Variants in CARM1 observed in about 807,000 individuals in gnomAD.
CARM1 encodes histone-arginine methyltransferase CARM1.
Under a neutral mutation model 72.7 loss-of-function variants are expected in CARM1, and 14 were observed. The observed-to-expected ratio is 0.19, with a 90% CI of 0.13 to 0.30. The LOEUF is 0.30. Among genes scored for constraint, CARM1 ranks in the 10% least tolerant of loss-of-function variants. The probability of loss-of-function intolerance (pLI) is 1.00; values close to 1 mark genes in which losing one functional copy is unlikely to be tolerated. For missense variants in CARM1, 432 were observed against 833.7 expected (o/e 0.52, Z 5.93); for synonymous variants, 333 against 345.5 (o/e 0.96, Z 0.40).
At chr19:10,884,602 G>A (rs2073926860) in intron 1 of CARM1, among the ~76,000 whole-genome samples, 1 of 152,056 alleles carries the variant, frequency 6.6e-6, no homozygotes, top group Non-Finnish European at 1.5e-5. Context: ...GTTACATGAA[G>A]GAAATGGAGA....
In CARM1 at chr19:10,894,070, C is replaced by G. The variant is rs1342909258; in HGVS notation, c.221-10881C>G. ...CAGTTTGGAAACAAGGTCACCTCTG[C>G]CAGGGCAGTGGGGCCTGGCTCAGGT... On this transcript the variant is annotated intron_variant, in intron 1 of 15. Transcript: ENST00000327064. Among the ~76,000 whole-genome samples, 3 of 152,236 alleles carry G rather than the reference C, an allele frequency of 2.0e-5. No homozygotes were observed. In the East Asian group the frequency reaches 5.8e-4, roughly 29 times the overall value.
intron 1 of CARM1, among the ~76,000 whole-genome samples, chr19:10,904,551 G>A (rs2074089069): frequency 1.3e-5 from 2 of 152,230 alleles, no homozygotes; most frequent in Non-Finnish European, 2.9e-5. Flanking sequence ...GAACCCAGCG[G>A]TCTGACTCCA....
In CARM1 at chr19:10,920,071, C is replaced by G. The variant is rs1041111575; in HGVS notation, c.1196+105C>G. Reference sequence around the variant, plus strand: ...GAACATGGCTCCAGGTTCCACCATCCCTTCCAATGGGAGTGAGAGCCTGTC... The same window carrying G: ...GAACATGGCTCCAGGTTCCACCATCGCTTCCAATGGGAGTGAGAGCCTGTC... On this transcript the variant is annotated intron_variant, in intron 10 of 15. Transcript: ENST00000327064. This position sits in a 1 kb window ranked among gnomAD's most constrained non-coding sequence, Gnocchi z 5.3. The G allele has an allele frequency of 4.6e-6, 4 of 861,596 alleles. No homozygotes were observed. In the African/African-American group the frequency reaches 6.6e-5, roughly 14 times the overall value. 53.4% of individuals were successfully genotyped at this position (861,596 alleles called of 1,614,324 possible). A position where few individuals can be genotyped will look rare whatever the true frequency, so the allele number is the denominator to read the frequency against.
chr19:10,872,795 C>T (rs1476925195), intron 1 of CARM1, among the ~76,000 whole-genome samples: 4 of 151,854 alleles, frequency 2.6e-5, no homozygotes, highest in Non-Finnish European at 5.9e-5. Flanking sequence ...CTCTTTGATT[C>T]CTTGTTCACA....
At chr19:10,886,994 C>T (rs1436841393) in intron 1 of CARM1, among the ~76,000 whole-genome samples, 1 of 152,156 alleles carries the variant, frequency 6.6e-6, no homozygotes, top group South Asian at 2.1e-4. Flanking sequence ...GGCCTCCTGC[C>T]TCGGTGTCCT....
chr19:10,912,423 GT>G lies in CARM1; in HGVS notation c.669+130del. The stretch of plus-strand genomic sequence containing the variant: ...ACTTCTGTGCTTTGGTCTCTTTATT[GT>G]CCCCAAGACAGTCATTTCAGGGAGG... On this transcript the variant is annotated intron_variant, in intron 5 of 15. Coordinates refer to ENST00000327064, the MANE Select transcript of CARM1 (RefSeq NM_199141.2). The surrounding 1 kb of genome is among the most constrained non-coding windows in gnomAD (Gnocchi z 4.5). 1 of 678,426 alleles carries G rather than the reference GT, an allele frequency of 1.5e-6. No homozygotes were observed. Among genetic ancestry groups the G allele is most frequent in the South Asian group, 1.7e-5 (1 of 60,314 alleles). The allele number at this position is 678,426 out of a possible 1,614,324, so 42.0% of individuals were successfully genotyped here.
At chr19:10,913,155 A>C (rs2074167267) in intron 5 of CARM1, among the ~76,000 whole-genome samples, 1 of 151,710 alleles carries the variant, frequency 6.6e-6, no homozygotes, top group African/African-American at 2.4e-5. Flanking sequence ...CTCAGGCTTG[A>C]GTGCAGTGGT....
chr19:10,901,171 C>T (rs1489241619), intron 1 of CARM1, among the ~76,000 whole-genome samples: 7 of 151,828 alleles, frequency 4.6e-5, no homozygotes, highest in African/African-American at 7.3e-5. Flanking sequence ...TTAGTAGAGA[C>T]GGCATTTTGC....
chr19:10,880,926 G>A (rs1373144497), intron 1 of CARM1, among the ~76,000 whole-genome samples: 1 of 147,956 alleles, frequency 6.8e-6, no homozygotes, highest in Non-Finnish European at 1.5e-5. Context: ...GTTTTGGGAG[G>A]CCGAGGCAGC....
chr19:10,889,340 A>C (rs1458079083), intron 1 of CARM1, among the ~76,000 whole-genome samples: 2 of 149,338 alleles, frequency 1.3e-5, no homozygotes, highest in East Asian at 3.9e-4. Context: ...TTTGAGACAG[A>C]GTCTCCCTTT....
At chr19:10,921,304 T>C in intron 14 of CARM1, 71 bp from the exon 15 acceptor site, 1 of 1,550,764 alleles carries the variant, frequency 6.4e-7, no homozygotes, top group Non-Finnish European at 8.9e-7. Context: ...AGCCTGCTGC[T>C]GTGCATGGGC....
chr19:10,899,706 GTTTTCT>G (rs1331321210), intron 1 of CARM1, among the ~76,000 whole-genome samples: 7 of 151,618 alleles, frequency 4.6e-5, no homozygotes, highest in South Asian at 2.1e-4. Flanking sequence ...GTTAGGAACA[GTTTTCT>G]TTTTCTTTTT....
At chr19:10,901,466 A>G (rs2074064894) in intron 1 of CARM1, among the ~76,000 whole-genome samples, 1 of 151,988 alleles carries the variant, frequency 6.6e-6, no homozygotes, top group Non-Finnish European at 1.5e-5. Flanking sequence ...TCAGGCATGC[A>G]CCACCATGCC....
intron 1 of CARM1, among the ~76,000 whole-genome samples, chr19:10,880,039 G>A (rs2073890195): frequency 6.6e-6 from 1 of 152,222 alleles, no homozygotes; most frequent in Non-Finnish European, 1.5e-5. Context: ...AAGCTGGAGT[G>A]TGGTGTGAAC....
Position 10,916,851 on chromosome 19 carries a change from C to G in CARM1, c.1020+74C>G, listed in dbSNP as rs1315857122. On this transcript the variant is annotated intron_variant, in intron 8 of 15. Coordinates refer to ENST00000327064, the MANE Select transcript of CARM1 (RefSeq NM_199141.2). The surrounding 1 kb of genome is among the most constrained non-coding windows in gnomAD (Gnocchi z 4.4). ...GTGCAGCTGTGCAGCCCTCAGGAAGCTACAGCCCCTCTCTGAGCCCTCTCC... is the reference window on the plus strand; with the variant it reads ...GTGCAGCTGTGCAGCCCTCAGGAAGGTACAGCCCCTCTCTGAGCCCTCTCC... 5.2e-6 allele frequency: 6 copies of G among 1,151,100 alleles called. No homozygotes were observed. In the South Asian group the frequency reaches 7.1e-5, roughly 14 times the overall value. The allele number at this position is 1,151,100 out of a possible 1,614,324, so 71.3% of individuals were successfully genotyped here. A position where few individuals can be genotyped will look rare whatever the true frequency, so the allele number is the denominator to read the frequency against.
Position 10,896,203 on chromosome 19 carries a change from C to T in CARM1, c.221-8748C>T, listed in dbSNP as rs1242050457. 6.6e-6 allele frequency among the ~76,000 whole-genome samples: 1 copy of T among 151,996 alleles called. No individual in the cohort carries two copies. Among genetic ancestry groups the T allele is most frequent in the Non-Finnish European group, 1.5e-5 (1 of 67,966 alleles). On this transcript the variant is annotated intron_variant, in intron 1 of 15. Transcript: ENST00000327064. This position sits in a 1 kb window ranked among gnomAD's most constrained non-coding sequence, Gnocchi z 5.2. Reference sequence around the variant, plus strand: ...GTGAGACCCTTGAGAGACGTCTCCCCGTTCTTCCAAGACCCTCCTGCATGC... The same window carrying T: ...GTGAGACCCTTGAGAGACGTCTCCCTGTTCTTCCAAGACCCTCCTGCATGC...
intron 2 of CARM1, among the ~76,000 whole-genome samples, chr19:10,907,236 T>C (rs1186060687): frequency 2.0e-5 from 3 of 151,868 alleles, no homozygotes; most frequent in Non-Finnish European, 4.4e-5. Context: ...AGGGTCTTGC[T>C]ATGTTGCCCA....
intron 1 of CARM1, among the ~76,000 whole-genome samples, chr19:10,898,435 A>C (rs1173334655): frequency 6.6e-6 from 1 of 152,110 alleles, no homozygotes; most frequent in Non-Finnish European, 1.5e-5. Context: ...CCACCTCTCC[A>C]GGCCATGTGC....
chr19:10,872,753 A>G (rs933978360), intron 1 of CARM1, among the ~76,000 whole-genome samples: 1 of 151,250 alleles, frequency 6.6e-6, no homozygotes, highest in Non-Finnish European at 1.5e-5. Context: ...TTTGTAGTTC[A>G]TTCTTCTTCT....
Sources: allele counts gnomAD v4.1 joint callset (sites outside exome capture counted in the v4.1 genomes callset), GRCh38; gene constraint gnomAD v4.1.1; non-coding constraint Gnocchi (gnomAD v3.1); transcripts MANE v1.5; gene names NCBI Gene and HGNC (gene_info 2026-07-23, HGNC 2026-07-21).